The following DDX20 variants were observed in gnomAD, a reference collection of about 807,000 sequenced individuals.
The protein encoded by DDX20 is probable ATP-dependent RNA helicase DDX20.
Under a neutral mutation model 76.4 loss-of-function variants are expected in DDX20, and 61 were observed. The observed-to-expected ratio is 0.80, with a 90% CI of 0.65 to 0.99. The LOEUF (loss-of-function observed/expected upper bound fraction) is 0.99. Among genes scored for constraint, DDX20 ranks in the 50% least tolerant of loss-of-function variants. The probability of loss-of-function intolerance (pLI) is 0.00; values close to 1 mark genes in which losing one functional copy is unlikely to be tolerated. For synonymous variants in DDX20, 357 were observed against 357.4 expected (o/e 1.00, Z 0.01); for missense variants, 976 against 996.8 (o/e 0.98, Z 0.28).
intron 1 of DDX20, 50 bp downstream of exon 1, chr1:111,756,275 G>GC: frequency 1.6e-4 from 143 of 903,150 alleles, no homozygotes; most frequent in Non-Finnish European, 1.9e-4. Context: ...GGAGAAGGGG[G>GC]ACCGACGGGC....
At chr1:111,758,039 G>A (rs546237921) in intron 2 of DDX20, among the ~76,000 whole-genome samples, 3 of 150,826 alleles carry the variant, frequency 2.0e-5, no homozygotes, top group Admixed American at 2.0e-4. Context: ...TGTATTTTTA[G>A]TAGAGACGGT....
intron 10 of DDX20, among the ~76,000 whole-genome samples, chr1:111,765,043 G>C (rs955254707): frequency 3.3e-5 from 5 of 152,242 alleles, no homozygotes; most frequent in Non-Finnish European, 7.3e-5. Flanking sequence ...GCAGGGGCTT[G>C]ATATATCTTG....
chr1:111,766,973 T>G lies in DDX20; in HGVS notation c.*74T>G. The G allele has an allele frequency of 8.2e-7, 1 of 1,220,164 alleles. No homozygotes were observed. Among genetic ancestry groups the G allele is most frequent in the Non-Finnish European group, 1.2e-6 (1 of 859,074 alleles). 75.6% of individuals were successfully genotyped at this position (1,220,164 alleles called of 1,614,324 possible). On this transcript the variant is annotated 3_prime_UTR_variant, in exon 11 of 11. Transcript: ENST00000369702. ...TTGGATATCCATCCTCCTCGACTTA[T>G]AGTACAGTGGTGTATAGTGGCATTT...
In DDX20 at chr1:111,767,202, A is replaced by G. The variant is rs895811222; in HGVS notation, c.*303A>G. On this transcript the variant is annotated 3_prime_UTR_variant, in exon 11 of 11. Transcript: ENST00000369702. ...TAAGATCTTCCCAAAAGAAACATTT[A>G]AAAAGATGACATATACCACCACTTA... 2 of 229,744 alleles carry G rather than the reference A, an allele frequency of 8.7e-6. No homozygotes were observed. The highest frequency in any genetic ancestry group is 8.6e-6 in the Non-Finnish European group (1 of 116,526). 14.2% of individuals were successfully genotyped at this position (229,744 alleles called of 1,614,324 possible). A position where few individuals can be genotyped will look rare whatever the true frequency, so the allele number is the denominator to read the frequency against.
At position 111,766,602 on chromosome 1, in the gene DDX20, G is replaced by A. The variant is rs1663786351; in HGVS notation, c.2178G>A (p.Gly726=). ...AGATGAAGACAAGACTTAAAGAGGG[G>A]GCTAGCCAGAGAGCTAAGCAGAGCC... is the stretch of plus-strand genomic sequence containing the variant. ...GIQMKTRLKE[G]ASQRAKQSRR... is the part of the protein sequence containing the mutation. The change falls in exon 11 of 11, where the codon GGG becomes GGA. Residue 726 remains glycine (G), a synonymous_variant. Coordinates refer to ENST00000369702, the MANE Select transcript of DDX20 (RefSeq NM_007204.5). 1.2e-6 allele frequency: 2 copies of A among 1,614,156 alleles called. No homozygotes were observed. Among genetic ancestry groups the A allele is most frequent in the Non-Finnish European group, 1.7e-6 (2 of 1,180,014 alleles).
At chr1:111,760,089 A>T (rs1195079502) in intron 3 of DDX20, among the ~76,000 whole-genome samples, 2 of 152,174 alleles carry the variant, frequency 1.3e-5, no homozygotes, top group Non-Finnish European at 2.9e-5. Context: ...GTTTGAGAAG[A>T]CATGGGATAG....
intron 1 of DDX20, among the ~76,000 whole-genome samples, 181 bp from the exon 2 acceptor site, chr1:111,756,465 G>A (rs1447637744): frequency 6.6e-6 from 1 of 152,224 alleles, no homozygotes; most frequent in Non-Finnish European, 1.5e-5. Context: ...CTAAGTTTGA[G>A]AAGATAAACG....
At chr1:111,762,129 G>A in intron 7 of DDX20, 126 bp from the exon 8 acceptor site, 1 of 661,656 alleles carries the variant, frequency 1.5e-6, no homozygotes, top group South Asian at 2.0e-5. Flanking sequence ...CAGAAGGACA[G>A]AATTAACTGT....
At position 111,766,664 on chromosome 1, in the gene DDX20, A is replaced by C. The variant is rs1218420434; in HGVS notation, c.2240A>C (p.Gln747Pro). ...CCCAGGCGGTCTTCCTTCAGATTGC[A>C]GACTGAAGCCCAGGAAGATGATTGG... ...NLPRRSSFRL[Q>P]TEAQEDDWYD... Residue 747 changes from glutamine to proline, a missense_variant, in exon 11 of 11, where the codon CAG becomes CCG. This residue lies in a region of DDX20 where 630 missense variants were observed against 693.7 expected (regional missense o/e 0.91). Coordinates refer to ENST00000369702, the MANE Select transcript of DDX20 (RefSeq NM_007204.5). 6.2e-7 allele frequency: 1 copy of C among 1,614,210 alleles called. No individual in the cohort carries two copies. The highest frequency in any genetic ancestry group is 2.2e-5 in the East Asian group (1 of 44,884).
rs376155290 is a variant in DDX20, at chr1:111,766,544, A to G, written c.2120A>G (p.Asn707Ser). ...EQPPNGSDTP[N>S]PEKYQESPGI... ...CCACCAAATGGAAGTGACACCCCCA[A>G]TCCAGAGAAATATCAAGAATCACCT... is the stretch of plus-strand genomic sequence containing the variant. The change falls in exon 11 of 11, where the codon AAT becomes AGT. Residue 707 changes from asparagine (N) to serine (S), a missense_variant. This residue lies in a region of DDX20 where 630 missense variants were observed against 693.7 expected (regional missense o/e 0.91). Coordinates refer to ENST00000369702, the MANE Select transcript of DDX20 (RefSeq NM_007204.5). 7.4e-6 allele frequency: 12 copies of G among 1,614,046 alleles called. No homozygotes were observed. Among genetic ancestry groups the G allele is most frequent in the Admixed American group, 1.7e-5 (1 of 60,008 alleles).
At chr1:111,760,960 G>A in intron 5 of DDX20, 27 bp from the exon 6 acceptor site, 1 of 1,608,558 alleles carries the variant, frequency 6.2e-7, no homozygotes, top group Non-Finnish European at 8.5e-7. Flanking sequence ...ATATATATTT[G>A]TTTTAACTGA....
At chr1:111,764,010 T>G (rs1663726505) in intron 10 of DDX20, among the ~76,000 whole-genome samples, 1 of 152,190 alleles carries the variant, frequency 6.6e-6, no homozygotes. Flanking sequence ...AATACACATA[T>G]AGGTCACGCC....
At chr1:111,756,543 C>T (rs1663558572) in intron 1 of DDX20, 103 bp from the exon 2 acceptor site, 2 of 961,312 alleles carry the variant, frequency 2.1e-6, no homozygotes, top group Non-Finnish European at 3.2e-6. Flanking sequence ...AAGGTGCCAA[C>T]TAGGGGAATC....
chr1:111,759,494 T>A lies in DDX20; in HGVS notation c.491T>A (p.Val164Asp), dbSNP rs748587900. The change falls in exon 3 of 11, where the codon GTC becomes GAC. Residue 164 changes from valine to aspartate, a missense_variant. Transcript: ENST00000369702. ...GIKMEGLECH[V>D]FIGGTPLSQD... ...AAAATGGAAGGCTTAGAGTGTCATG[T>A]CTTTATTGGAGGGACCCCATTATCA... 1.2e-6 allele frequency: 2 copies of A among 1,614,050 alleles called. No individual in the cohort carries two copies. The highest frequency in any genetic ancestry group is 1.7e-6 in the Non-Finnish European group (2 of 1,179,960).
rs748904955 is a variant in DDX20, at chr1:111,766,188, G to A, written c.1764G>A (p.Thr588=). The change falls in exon 11 of 11, where the codon ACG becomes ACA. Residue 588 remains threonine (T), a synonymous_variant. Transcript: ENST00000369702. ...LSSFKIHQPY[T]LTFAELVEDY... is the part of the protein sequence containing the mutation. ...CCTTTAAAATCCATCAGCCATACAC[G>A]TTGACTTTTGCTGAATTGGTAGAGG... 24 of 1,614,012 alleles carry A rather than the reference G, an allele frequency of 1.5e-5. No individual in the cohort carries two copies. Among genetic ancestry groups the A allele is most frequent in the African/African-American group, 5.3e-5 (4 of 74,892 alleles).
Position 111,763,108 on chromosome 1 carries a change from A to G in DDX20, c.1312+101A>G, listed in dbSNP as rs1188521298. The G allele has an allele frequency of 9.8e-6, 9 of 921,954 alleles. No individual in the cohort carries two copies. The African/African-American group carries it at 1.2e-4, about 12-fold the overall frequency. 57.1% of individuals were successfully genotyped at this position (921,954 alleles called of 1,614,324 possible). On this transcript the variant is annotated intron_variant, in intron 10 of 10. Coordinates refer to ENST00000369702, the MANE Select transcript of DDX20 (RefSeq NM_007204.5). ...ACAGAGTGCTTATGATGTGCTGGGT[A>G]CTGTTCCCAGTCCTGTATGTACGTT...
chr1:111,760,408 A>C, intron 3 of DDX20, 66 bp from the exon 4 acceptor site: 1 of 1,113,066 alleles, frequency 9.0e-7, no homozygotes, highest in South Asian at 1.4e-5. Flanking sequence ...GTAGAGTAAC[A>C]ATATTGGCTG....
chr1:111,762,505 T>C, intron 8 of DDX20, 168 bp downstream of exon 8: 5 of 812,020 alleles, frequency 6.2e-6, no homozygotes, highest in Non-Finnish European at 7.7e-6. Context: ...GTCTTTAATA[T>C]GTTTATCTTT....
At position 111,765,994 on chromosome 1, in the gene DDX20, T is replaced by G. The variant is rs1357750116; in HGVS notation, c.1570T>G (p.Cys524Gly). The G allele has an allele frequency of 6.2e-7, 1 of 1,614,108 alleles. No individual in the cohort carries two copies. Among genetic ancestry groups the G allele is most frequent in the Admixed American group, 1.7e-5 (1 of 60,012 alleles). The change falls in exon 11 of 11, where the codon TGT becomes GGT. Residue 524 changes from cysteine to glycine, a missense_variant. Around this residue, in one of 3 missense-constraint regions of DDX20, gnomAD observed 630 missense variants for 693.7 expected, o/e 0.91. Coordinates refer to ENST00000369702, the MANE Select transcript of DDX20 (RefSeq NM_007204.5). Reference protein sequence around the residue: ...QKLPVKSHSECGIIEKATSPK... With the variant: ...QKLPVKSHSEGGIIEKATSPK... ...GCTTCCTGTGAAAAGCCACTCAGAA[T>G]GTGGAATCATAGAAAAAGCAACGTC... is the stretch of plus-strand genomic sequence containing the variant.
Sources: allele counts gnomAD v4.1 joint callset (sites outside exome capture counted in the v4.1 genomes callset), GRCh38; gene constraint gnomAD v4.1.1; regional missense constraint gnomAD v4.1.1; transcripts MANE v1.5; gene names NCBI Gene and HGNC (gene_info 2026-07-23, HGNC 2026-07-21).